CSMD1: variants seen among roughly 807,000 people sequenced by gnomAD.
The protein encoded by CSMD1 is CUB and Sushi multiple domains 1, also known as CUB and sushi domain-containing protein 1.
CSMD1 carries 213 observed loss-of-function variants against 417.5 expected under a neutral mutation model. The ratio of observed to expected loss-of-function variants is 0.51; its 90% CI spans 0.46 to 0.57. The LOEUF (loss-of-function observed/expected upper bound fraction) is 0.57. CSMD1 is among the 20% of genes least tolerant of loss of function. CSMD1 has a pLI of 0.00. For missense variants in CSMD1, 6,923 were observed against 4,529.7 expected, an observed-to-expected ratio of 1.53 and a Z score of -15.17; for synonymous variants, 2,862 against 1,736.8, an observed-to-expected ratio of 1.65 and a Z score of -16.11.
At chr8:4,120,628 T>C (rs1444497418) in intron 3 of CSMD1, among the ~76,000 whole-genome samples, 4 of 152,254 alleles carry the variant, frequency 2.6e-5, no homozygotes, top group African/African-American at 4.8e-5. Context: ...TCTGTGTACC[T>C]GCCACTGGCC....
chr8:3,864,029 G>T (rs561746399), intron 5 of CSMD1, among the ~76,000 whole-genome samples: 5 of 152,194 alleles, frequency 3.3e-5, no homozygotes, highest in East Asian at 1.9e-4. Flanking sequence ...AAACAGGTTT[G>T]CAAATCTTAG....
Position 3,408,149 on chromosome 8 carries a change from G to C in CSMD1, c.1821C>G (p.Asn607Lys). 6.2e-7 allele frequency: 1 copy of C among 1,613,396 alleles called. No homozygotes were observed. Among genetic ancestry groups the C allele is most frequent in the Non-Finnish European group, 8.5e-7 (1 of 1,179,578 alleles). The change falls in exon 14 of 70, where the codon AAC (asparagine) becomes AAG (lysine). Residue 607 changes from asparagine (N) to lysine (K), a missense_variant. Transcript: ENST00000635120. The stretch of plus-strand genomic sequence containing the variant: ...AGATAATCAACCAGACACAGTTCAT[G>C]TTGTTCCCATATTCCTCTGGATAAT... ...SPNYPEEYGN[N>K]MNCVWLIISE...
intron 12 of CSMD1, among the ~76,000 whole-genome samples, chr8:3,422,910 T>C (rs1004507123): frequency 2.0e-5 from 3 of 152,154 alleles, no homozygotes; most frequent in Non-Finnish European, 4.4e-5. Flanking sequence ...TGTCCTCACA[T>C]GGCAGAAGGA....
intron 5 of CSMD1, among the ~76,000 whole-genome samples, chr8:3,755,530 GCCT>G (rs1797610090): frequency 6.6e-6 from 1 of 152,094 alleles, no homozygotes; most frequent in Non-Finnish European, 1.5e-5. Context: ...CTGCGTGTGG[GCCT>G]GCCTGTGAGC....
chr8:4,290,965 A>G (rs1797327253), intron 3 of CSMD1, among the ~76,000 whole-genome samples: 1 of 152,196 alleles, frequency 6.6e-6, no homozygotes, highest in Non-Finnish European at 1.5e-5. Flanking sequence ...TTAGAGGGGC[A>G]AAATTTCATC....
At chr8:4,373,549 C>T (rs950652701) in intron 3 of CSMD1, among the ~76,000 whole-genome samples, 5 of 152,174 alleles carry the variant, frequency 3.3e-5, no homozygotes, top group Admixed American at 6.5e-5. Flanking sequence ...ACTTCTATTA[C>T]GTACTCAACT....
chr8:3,710,695 C>T (rs4398944), intron 6 of CSMD1, among the ~76,000 whole-genome samples: 50,089 of 151,882 alleles, frequency 0.33, 8,427 homozygotes, highest in East Asian at 0.49. Context: ...CTCTTTGCAG[C>T]GACACTGTGC....
At chr8:4,118,993 G>C (rs186563853) in intron 3 of CSMD1, among the ~76,000 whole-genome samples, 1 of 152,008 alleles carries the variant, frequency 6.6e-6, no homozygotes, top group Non-Finnish European at 1.5e-5. Context: ...ACACAAGAAC[G>C]GCAAACCAAA....
chr8:4,928,362 G>C lies in CSMD1; in HGVS notation c.85+65970C>G, dbSNP rs535434672. On this transcript the variant is annotated intron_variant, in intron 1 of 69. Coordinates refer to ENST00000635120, the MANE Select transcript of CSMD1 (RefSeq NM_033225.6). ...CGGTATCACTGTCTGTGGTTATTTAGTTATTTACTATCTTCTCTGACTATG... is the reference window on the plus strand; with the variant it reads ...CGGTATCACTGTCTGTGGTTATTTACTTATTTACTATCTTCTCTGACTATG... Among the ~76,000 whole-genome samples the C allele has an allele frequency of 2.6e-5, 4 of 152,254 alleles. No individual in the cohort carries two copies. The East Asian group carries it at 7.7e-4, about 29-fold the overall frequency.
intron 5 of CSMD1, among the ~76,000 whole-genome samples, chr8:3,938,586 C>T (rs1198310535): frequency 6.6e-6 from 1 of 152,104 alleles, no homozygotes; most frequent in African/African-American, 2.4e-5. Flanking sequence ...TCAGGCATTT[C>T]TTGGAAATCA....
intron 23 of CSMD1, among the ~76,000 whole-genome samples, chr8:3,331,235 CT>C (rs1347204092): frequency 1.2e-5 from 1 of 85,962 alleles, no homozygotes; most frequent in Non-Finnish European, 2.2e-5. Context: ...GAGACTCCGT[CT>C]CAAAAAAAAA....
At chr8:3,408,868 C>G (rs55646939) in intron 13 of CSMD1, among the ~76,000 whole-genome samples, 20,644 of 151,960 alleles carry the variant, frequency 0.14, 1,449 homozygotes, top group East Asian at 0.2. Context: ...GCTTCTTATT[C>G]CATATAATTT....
At chr8:4,154,878 A>C (rs1460307496) in intron 3 of CSMD1, among the ~76,000 whole-genome samples, 1 of 152,236 alleles carries the variant, frequency 6.6e-6, no homozygotes, top group Non-Finnish European at 1.5e-5. Context: ...GCTGCATCAC[A>C]GTCCACAAAT....
chr8:3,336,659 T>C (rs1392198380), intron 23 of CSMD1, among the ~76,000 whole-genome samples: 1 of 152,148 alleles, frequency 6.6e-6, no homozygotes, highest in African/African-American at 2.4e-5. Flanking sequence ...CACAGAGCCC[T>C]GTGCCCCCAT....
chr8:3,372,162 G>T (rs546202362), intron 18 of CSMD1, among the ~76,000 whole-genome samples: 1 of 152,124 alleles, frequency 6.6e-6, no homozygotes, highest in African/African-American at 2.4e-5. Context: ...CAGCGGTGCC[G>T]TACTTAGGAA....
intron 25 of CSMD1, among the ~76,000 whole-genome samples, chr8:3,287,406 T>C (rs1046053650): frequency 3.9e-5 from 6 of 152,302 alleles, no homozygotes; most frequent in African/African-American, 1.4e-4. Flanking sequence ...ATGGCCATTT[T>C]CACAATATTG....
chr8:3,777,479 C>A (rs1394115085), intron 5 of CSMD1, among the ~76,000 whole-genome samples: 3 of 152,200 alleles, frequency 2.0e-5, no homozygotes, highest in Non-Finnish European at 4.4e-5. Context: ...TGTCCTGCTA[C>A]TCTAAGAGAT....
At chr8:3,815,332 T>C (rs1801311782) in intron 5 of CSMD1, among the ~76,000 whole-genome samples, 1 of 152,180 alleles carries the variant, frequency 6.6e-6, no homozygotes, top group Admixed American at 6.5e-5. Context: ...GAACAAATCA[T>C]GCATTTTCGG....
chr8:4,152,983 C>T (rs533416229), intron 3 of CSMD1, among the ~76,000 whole-genome samples: 1 of 152,234 alleles, frequency 6.6e-6, no homozygotes, highest in East Asian at 1.9e-4. Context: ...TCTGCTATGA[C>T]AAGGTGAACA....
Sources: allele counts gnomAD v4.1 joint callset (sites outside exome capture counted in the v4.1 genomes callset), GRCh38; gene constraint gnomAD v4.1.1; transcripts MANE v1.5; gene names NCBI Gene and HGNC (gene_info 2026-07-23, HGNC 2026-07-21).